Variants in IAH1 observed in about 807,000 individuals in gnomAD.
IAH1 encodes isoamyl acetate-hydrolyzing esterase 1 homolog.
In IAH1, 24 loss-of-function variants were observed where a neutral mutation model predicts 26.7. The observed-to-expected ratio is 0.90, with a 90% CI of 0.65 to 1.26. The LOEUF is 1.26. Among genes scored for constraint, IAH1 ranks in the 50% most tolerant of loss-of-function variants. IAH1 has a pLI of 0.00. For synonymous variants in IAH1, 140 were observed against 118.5 expected (o/e 1.18, Z -1.18); for missense variants, 300 against 299.9 (o/e 1.00, Z 0.00).
At chr2:9,507,907 T>C in the IAH1 span, among the ~76,000 whole-genome samples, 1 of 152,118 alleles carries the variant, frequency 6.6e-6, no homozygotes, top group African/African-American at 2.4e-5. Context: ...GAGATGGAGT[T>C]TCACATGTTG....
chr2:9,479,178 AAATT>A (rs1237850068), intron 3 of IAH1, among the ~76,000 whole-genome samples: 9 of 152,254 alleles, frequency 5.9e-5, no homozygotes, highest in African/African-American at 9.6e-5. Flanking sequence ...ATTTGGGAAG[AAATT>A]AATCTTCACT....
At chr2:9,481,562 C>T (rs1661176020) in intron 4 of IAH1, 115 bp downstream of exon 4, 1 of 865,842 alleles carries the variant, frequency 1.2e-6, no homozygotes, top group East Asian at 2.6e-5. Flanking sequence ...TCGGTATGTC[C>T]ATTTCAGTCT....
the IAH1 span, among the ~76,000 whole-genome samples, chr2:9,501,763 T>G: frequency 3.3e-4 from 50 of 152,366 alleles, no homozygotes; most frequent in African/African-American, 1.1e-3. Flanking sequence ...ATTAAAAACC[T>G]TGTTATATTA....
At chr2:9,491,076 T>C (rs1662101289), downstream of IAH1, 5 of 1,605,500 alleles carry the variant, frequency 3.1e-6, no homozygotes, top group African/African-American at 1.3e-5. Flanking sequence ...GCGAAGATTA[T>C]GTTTCTTTCA....
downstream of IAH1, chr2:9,496,963 C>G (rs753436840): frequency 1.3e-5 from 16 of 1,199,410 alleles, no homozygotes; most frequent in Non-Finnish European, 1.8e-5. Context: ...ATGCCTGTCT[C>G]CAGACACCAC....
chr2:9,474,463 GA>G (rs1287806749), upstream of IAH1: 2 of 579,690 alleles, frequency 3.5e-6, no homozygotes, highest in Non-Finnish European at 5.4e-6. This position sits in a 1 kb window ranked among gnomAD's most constrained non-coding sequence, Gnocchi z 4.3. Context: ...TCACCAAAGT[GA>G]CTGCGTGGGT....
chr2:9,491,268 A>C (rs1572871855), downstream of IAH1: 4 of 867,004 alleles, frequency 4.6e-6, no homozygotes, highest in Non-Finnish European at 3.6e-6. Flanking sequence ...AGTTGTAGAA[A>C]GTGATAGCAG....
downstream of IAH1, chr2:9,496,983 C>A (rs1317173890): frequency 5.8e-6 from 8 of 1,387,170 alleles, no homozygotes; most frequent in South Asian, 6.9e-5. Context: ...CCCTGCCCTT[C>A]CCCATCCCCT....
chr2:9,475,230 G>A, intron 1 of IAH1: 1 of 1,285,372 alleles, frequency 7.8e-7, no homozygotes, highest in Non-Finnish European at 1.0e-6. Context: ...TCTTACTTCG[G>A]GGAGGGAGTA....
At chr2:9,490,723 C>G (rs1267610496), downstream of IAH1, among the ~76,000 whole-genome samples, 1 of 152,086 alleles carries the variant, frequency 6.6e-6, no homozygotes, top group Non-Finnish European at 1.5e-5. Context: ...CTTTTAATGG[C>G]AAAAACAGTA....
chr2:9,509,973 A>G, the IAH1 span: 1 of 1,613,506 alleles, frequency 6.2e-7, no homozygotes, highest in African/African-American at 1.3e-5. Context: ...CTCGACACAC[A>G]CATACCTTAT....
exon 6 of IAH1, chr2:9,494,828 T>G: frequency 1.3e-6 from 2 of 1,588,484 alleles, no homozygotes; most frequent in Admixed American, 1.8e-5. Context: ...TCCTCCTGCC[T>G]CCTCTTTCCT....
At chr2:9,494,788 T>G (rs1367073451) in exon 6 of IAH1, 6 of 1,613,188 alleles carry the variant, frequency 3.7e-6, no homozygotes, top group Non-Finnish European at 4.2e-6. Flanking sequence ...GAACACGCAT[T>G]GACAGCTGGA....
rs1169747304 is a variant in IAH1, at chr2:9,481,326, T to C, written c.324T>C (p.Ala108=). The C allele has an allele frequency of 1.2e-6, 2 of 1,614,224 alleles. No individual in the cohort carries two copies. The highest frequency in any genetic ancestry group is 8.5e-7 in the Non-Finnish European group (1 of 1,180,046). Residue 108 remains alanine (A), a synonymous_variant, in exon 4 of 6, where the codon GCT becomes GCC. Transcript: ENST00000497473. ...AGCACATTCCCCTGGAGGAGTACGC[T>C]GCGAACCTAAAGAGCATGGTGCAGT... ...PKQHIPLEEY[A]ANLKSMVQYL...
Position 9,478,357 on chromosome 2 carries a change from C to T in IAH1, c.270C>T (p.Asp90=), listed in dbSNP as rs1558476248. The change falls in exon 3 of 6, where the codon GAC becomes GAT. Residue 90 remains aspartate (D), a synonymous_variant. Coordinates refer to ENST00000497473, the MANE Select transcript of IAH1 (RefSeq NM_001039613.3). ...VAVTIFFGAN[D]SALKDENPKQ... is the part of the protein sequence containing the mutation. ...TTACAATTTTCTTTGGGGCCAATGA[C>T]AGTGCACTAAAAGGTAAAAGCATTT... 6.2e-7 allele frequency: 1 copy of T among 1,605,018 alleles called. No individual in the cohort carries two copies. The highest frequency in any genetic ancestry group is 8.5e-7 in the Non-Finnish European group (1 of 1,175,488).
At chr2:9,493,794 A>G (rs2124963410), downstream of IAH1, 2 of 1,614,056 alleles carry the variant, frequency 1.2e-6, no homozygotes, top group Non-Finnish European at 8.5e-7. Context: ...AAATCGTTCA[A>G]TTACATCCTG....
chr2:9,496,018 A>G (rs1477707194), intron 6 of IAH1, among the ~76,000 whole-genome samples: 3 of 151,886 alleles, frequency 2.0e-5, no homozygotes, highest in Non-Finnish European at 2.9e-5. Flanking sequence ...TTACCTACAC[A>G]TTATTGAACT....
the IAH1 span, chr2:9,509,887 C>T: frequency 6.6e-7 from 1 of 1,505,298 alleles, no homozygotes; most frequent in Non-Finnish European, 9.0e-7. Flanking sequence ...TAGGGAAACG[C>T]CTAGGAATGG....
chr2:9,492,886 T>G (rs532530927), downstream of IAH1: 26 of 1,600,930 alleles, frequency 1.6e-5, 1 homozygote, highest in South Asian at 2.9e-4. Context: ...TACTTAAAAG[T>G]TGATGACTTA....
Sources: allele counts gnomAD v4.1 joint callset (sites outside exome capture counted in the v4.1 genomes callset), GRCh38; gene constraint gnomAD v4.1.1; non-coding constraint Gnocchi (gnomAD v3.1); transcripts MANE v1.5; gene names NCBI Gene and HGNC (gene_info 2026-07-23, HGNC 2026-07-21).